PPP1CB: variants seen among roughly 807,000 people sequenced by gnomAD.
PPP1CB encodes serine/threonine-protein phosphatase PP1-beta catalytic subunit.
Under a neutral mutation model 43.7 loss-of-function variants are expected in PPP1CB, and 2 were observed. That is an observed-to-expected ratio of 0.05 (90% confidence interval 0.02 to 0.14). The LOEUF is 0.14. PPP1CB is among the 10% of genes least tolerant of loss of function. PPP1CB has a pLI of 1.00. For missense variants in PPP1CB, 84 were observed against 398.0 expected, an observed-to-expected ratio of 0.21 and a Z score of 6.71; for synonymous variants, 136 against 135.6, an observed-to-expected ratio of 1.00 and a Z score of -0.02.
At chr2:28,756,660 T>A (rs935324283) in intron 1 of PPP1CB, among the ~76,000 whole-genome samples, 3 of 152,138 alleles carry the variant, frequency 2.0e-5, no homozygotes, top group Admixed American at 6.5e-5. Flanking sequence ...ATTTTTTTTA[T>A]TTTGGTAGAG....
At chr2:28,756,307 C>T (rs1305884564) in intron 1 of PPP1CB, among the ~76,000 whole-genome samples, 1 of 152,120 alleles carries the variant, frequency 6.6e-6, no homozygotes, top group African/African-American at 2.4e-5. Context: ...ACATTTTTGG[C>T]CCACTTACAG....
At chr2:28,761,412 G>A (rs765539599) in intron 1 of PPP1CB, among the ~76,000 whole-genome samples, 3 of 152,078 alleles carry the variant, frequency 2.0e-5, no homozygotes, top group Non-Finnish European at 4.4e-5. Flanking sequence ...AATGATTAAC[G>A]ACACAGATTC....
Position 28,761,634 on chromosome 2 carries a change from G to C in PPP1CB, c.52+9458G>C, listed in dbSNP as rs139612691. On this transcript the variant is annotated intron_variant, in intron 1 of 7. Transcript: ENST00000395366. Reference sequence around the variant, plus strand: ...AAGGCTTTCTTGTAAGTATGTGACAGATACTGTTTCCTCCACTTTCTGTTT... The same window carrying C: ...AAGGCTTTCTTGTAAGTATGTGACACATACTGTTTCCTCCACTTTCTGTTT... 3.9e-5 allele frequency among the ~76,000 whole-genome samples: 6 copies of C among 152,332 alleles called. No homozygotes were observed. In the East Asian group the frequency reaches 1.2e-3, roughly 29 times the overall value.
chr2:28,768,555 G>A (rs1666831804), intron 1 of PPP1CB, among the ~76,000 whole-genome samples: 1 of 152,114 alleles, frequency 6.6e-6, no homozygotes, highest in African/African-American at 2.4e-5. Flanking sequence ...AAGTTAGAGG[G>A]GCCTTATTAC....
intron 1 of PPP1CB, among the ~76,000 whole-genome samples, chr2:28,761,409 A>G (rs1476020974): frequency 1.3e-5 from 2 of 152,246 alleles, no homozygotes; most frequent in African/African-American, 2.4e-5. Context: ...TATAATGATT[A>G]ACGACACAGA....
chr2:28,798,893 ATCT>A (rs1210342084), intron 7 of PPP1CB, among the ~76,000 whole-genome samples: 3 of 152,094 alleles, frequency 2.0e-5, no homozygotes, highest in Non-Finnish European at 4.4e-5. Context: ...GACAACATAG[ATCT>A]TCTGACTCTT....
chr2:28,779,156 G>A, intron 3 of PPP1CB, 117 bp downstream of exon 3: 1 of 725,780 alleles, frequency 1.4e-6, no homozygotes, highest in Non-Finnish European at 2.2e-6. Flanking sequence ...GTCAGGCATA[G>A]GCCAGGAAGA....
chr2:28,786,712 T>C (rs954129032), intron 5 of PPP1CB, among the ~76,000 whole-genome samples: 1 of 140,130 alleles, frequency 7.1e-6, no homozygotes, highest in Non-Finnish European at 1.5e-5. Context: ...GAGGTGGAGC[T>C]TGCAGTGAGC....
chr2:28,764,605 T>C (rs1666740582), intron 1 of PPP1CB, among the ~76,000 whole-genome samples: 1 of 152,098 alleles, frequency 6.6e-6, no homozygotes, highest in Non-Finnish European at 1.5e-5. Context: ...TTAACTGCCA[T>C]TAATTAGTAT....
At chr2:28,797,099 A>G (rs1667511182) in intron 7 of PPP1CB, among the ~76,000 whole-genome samples, 1 of 151,876 alleles carries the variant, frequency 6.6e-6, no homozygotes, top group Non-Finnish European at 1.5e-5. Context: ...ATATGTTGAA[A>G]CCTTGCACCC....
At chr2:28,765,250 G>A (rs891471609) in intron 1 of PPP1CB, among the ~76,000 whole-genome samples, 1 of 152,190 alleles carries the variant, frequency 6.6e-6, no homozygotes, top group Non-Finnish European at 1.5e-5. Flanking sequence ...AATGTTCTCT[G>A]TCATCAAAAC....
chr2:28,796,164 C>T (rs1667493282), intron 7 of PPP1CB, among the ~76,000 whole-genome samples: 1 of 144,442 alleles, frequency 6.9e-6, no homozygotes, highest in African/African-American at 2.6e-5. Flanking sequence ...TGTTTTGGTA[C>T]CAGTACCATG....
Position 28,799,520 on chromosome 2 carries a change from A to T in PPP1CB, c.*217A>T. ...ACTCTGTTATAGTCAACAAAGTTAA[A>T]TCCAAATTCAAAATTATCCATTAAA... is the stretch of plus-strand genomic sequence containing the variant. On this transcript the variant is annotated 3_prime_UTR_variant, in exon 8 of 8. Transcript: ENST00000395366. The T allele has an allele frequency of 2.6e-6, 1 of 390,192 alleles. No individual in the cohort carries two copies. The highest frequency in any genetic ancestry group is 4.6e-6 in the Non-Finnish European group (1 of 218,444). 24.2% of individuals were successfully genotyped at this position (390,192 alleles called of 1,614,324 possible). A position where few individuals can be genotyped will look rare whatever the true frequency, so the allele number is the denominator to read the frequency against.
intron 1 of PPP1CB, among the ~76,000 whole-genome samples, chr2:28,767,699 T>C (rs1666809149): frequency 6.6e-6 from 1 of 152,226 alleles, no homozygotes; most frequent in Non-Finnish European, 1.5e-5. Flanking sequence ...GTGGCTATGC[T>C]TCATTAAACT....
intron 5 of PPP1CB, among the ~76,000 whole-genome samples, chr2:28,784,879 C>T (rs1482386502): frequency 7.2e-6 from 1 of 138,630 alleles, no homozygotes; most frequent in African/African-American, 2.7e-5. Flanking sequence ...GAGATCACAC[C>T]ACTGCACTCC....
At chr2:28,762,780 A>T (rs984331465) in intron 1 of PPP1CB, among the ~76,000 whole-genome samples, 3 of 152,234 alleles carry the variant, frequency 2.0e-5, no homozygotes, top group African/African-American at 7.2e-5. Context: ...AGTTATGCAG[A>T]TGTCCAGATG....
chr2:28,754,349 G>A (rs1168988771), intron 1 of PPP1CB, among the ~76,000 whole-genome samples: 2 of 133,992 alleles, frequency 1.5e-5, no homozygotes, highest in Non-Finnish European at 3.2e-5. Flanking sequence ...GGGGGGCGGG[G>A]GGGGGGCGGG....
In PPP1CB at chr2:28,778,996, T is replaced by C; in HGVS notation, c.372T>C (p.His124=). The C allele has an allele frequency of 1.2e-6, 2 of 1,610,666 alleles. No homozygotes were observed. Among genetic ancestry groups the C allele is most frequent in the South Asian group, 1.1e-5 (1 of 91,024 alleles). ...PENFFLLRGN[H]ECASINRIYG... ...ACTTCTTTCTCTTAAGAGGAAACCA[T>C]GAGTGTGCTAGCATCAATCGCATTT... The change falls in exon 3 of 8, where the codon CAT becomes CAC. Residue 124 remains histidine (H), a synonymous_variant. Transcript: ENST00000395366.
At chr2:28,799,025 A>G (rs1017311152) in intron 7 of PPP1CB, among the ~76,000 whole-genome samples, 174 bp from the exon 8 acceptor site, 6 of 152,082 alleles carry the variant, frequency 3.9e-5, no homozygotes, top group Admixed American at 1.3e-4. Flanking sequence ...ATATGAGTGG[A>G]ATGACAAAGT....
Sources: gnomAD v4.1 joint callset for allele counts (sites outside exome capture counted in the v4.1 genomes callset) on GRCh38, gnomAD v4.1.1 for gene constraint, MANE v1.5 for transcripts, NCBI Gene and HGNC (gene_info 2026-07-23, HGNC 2026-07-21) for gene names.